Variants in HK1 observed in about 807,000 individuals in gnomAD.
HK1 encodes the protein hexokinase-1.
A neutral mutation model predicts 91.6 loss-of-function variants in HK1; 28 were observed. That is an observed-to-expected ratio of 0.31 (90% CI 0.23 to 0.42). The LOEUF is 0.42. Among genes scored for constraint, HK1 ranks in the 10% least tolerant of loss-of-function variants. The probability of loss-of-function intolerance (pLI) is 1.00; values close to 1 mark genes in which losing one functional copy is unlikely to be tolerated. For synonymous variants in HK1, 430 were observed against 468.1 expected (o/e 0.92, Z 1.05); for missense variants, 770 against 1,219.8 (o/e 0.63, Z 5.49).
At chr10:69,358,499 G>A (rs976905716) in intron 2 of HK1, among the ~76,000 whole-genome samples, 2 of 152,210 alleles carry the variant, frequency 1.3e-5, no homozygotes, top group African/African-American at 2.4e-5. Flanking sequence ...AACAACCCAA[G>A]GGTCCATCAA....
chr10:69,278,037 A>AAC (rs1194923701), intron 1 of HK1, among the ~76,000 whole-genome samples: 3 of 152,010 alleles, frequency 2.0e-5, no homozygotes, highest in Non-Finnish European at 4.4e-5. Flanking sequence ...CCGTCTCAAA[A>AAC]AAAAAAAAGG....
chr10:69,340,862 T>C (rs972363927), intron 1 of HK1, among the ~76,000 whole-genome samples: 1 of 152,166 alleles, frequency 6.6e-6, no homozygotes, highest in Non-Finnish European at 1.5e-5. Context: ...GTGGTTGAGC[T>C]CTGGACAGTC....
chr10:69,308,158 G>A (rs1435901481), intron 5 of HK1, among the ~76,000 whole-genome samples: 1 of 152,046 alleles, frequency 6.6e-6, no homozygotes, highest in Non-Finnish European at 1.5e-5. Context: ...TTTTCTTTTA[G>A]GAAAGCGGTT....
intron 16 of HK1, among the ~76,000 whole-genome samples, chr10:69,397,844 G>GA (rs1354189010): frequency 6.6e-6 from 1 of 151,414 alleles, no homozygotes; most frequent in Non-Finnish European, 1.5e-5. Context: ...AAAACAAATG[G>GA]AAAAAAAAGA....
rs779370366 is a variant in HK1, at chr10:69,369,419, C to T, written c.692-22C>T. On this transcript the variant is annotated intron_variant, in intron 6 of 17. Coordinates refer to ENST00000359426, the MANE Select transcript of HK1 (RefSeq NM_000188.3). The surrounding 1 kb of genome is among the most constrained non-coding windows in gnomAD (Gnocchi z 4.4). ...CACCCTCCCCGTTGTGTGGTCATAG[C>T]TTCTGATCTTGTCCTGCCCAGGCAC... The T allele has an allele frequency of 6.2e-7, 1 of 1,614,234 alleles. No homozygotes were observed. Among genetic ancestry groups the T allele is most frequent in the Non-Finnish European group, 8.5e-7 (1 of 1,180,040 alleles).
intron 3 of HK1, among the ~76,000 whole-genome samples, chr10:69,360,738 G>C (rs1390055888): frequency 6.6e-6 from 1 of 152,144 alleles, no homozygotes; most frequent in African/African-American, 2.4e-5. Flanking sequence ...TGCGGGGAGT[G>C]GTGGGTCTGT....
rs1433867007 is a variant in HK1 at position 69,369,537 on chromosome 10, C to G, written c.788C>G (p.Ala263Gly). Residue 263 changes from alanine (A) to glycine (G), a missense_variant, in exon 7 of 18, where the codon GCC becomes GGC. Ala to Gly is a moderately conservative substitution (Grantham distance 60). Transcript: ENST00000359426. The surrounding 1 kb of genome is among the most constrained non-coding windows in gnomAD (Gnocchi z 4.4). The part of the protein sequence containing the change: ...GRMCINTEWG[A>G]FGDDGSLEDI... ...ATGTGTATCAATACAGAATGGGGAGCCTTTGGAGACGATGGATCATTAGAA... is the reference window on the plus strand; with the variant it reads ...ATGTGTATCAATACAGAATGGGGAGGCTTTGGAGACGATGGATCATTAGAA... The G allele has an allele frequency of 1.2e-6, 2 of 1,614,118 alleles. No individual in the cohort carries two copies. Among genetic ancestry groups the G allele is most frequent in the Admixed American group, 1.7e-5 (1 of 60,016 alleles).
At chr10:69,383,592 T>A (rs1839496050) in intron 10 of HK1, among the ~76,000 whole-genome samples, 1 of 152,250 alleles carries the variant, frequency 6.6e-6, no homozygotes, top group Non-Finnish European at 1.5e-5. Flanking sequence ...TGGACAGTTC[T>A]GCTCATCAGG....
At position 69,401,174 on chromosome 10, in the gene HK1, C is replaced by A; in HGVS notation, c.*39C>A. 6.2e-7 allele frequency: 1 copy of A among 1,601,204 alleles called. No homozygotes were observed. The highest frequency in any genetic ancestry group is 8.5e-7 in the Non-Finnish European group (1 of 1,175,326). The stretch of plus-strand genomic sequence containing the variant: ...CCAGCCTACTGCCTCTCCAGCACTT[C>A]TCTCTTCAAGCGGCGACCCCCTACC... On this transcript the variant is annotated 3_prime_UTR_variant, in exon 18 of 18. Transcript: ENST00000359426.
rs145036813 is a variant in HK1, at chr10:69,309,069, GAA to G, written c.27+8209_27+8210del. Among the ~76,000 whole-genome samples the G allele has an allele frequency of 2.9e-3, 448 of 152,298 alleles. 1 individual carries two copies. The highest frequency in any genetic ancestry group is 0.021 in the Middle Eastern group (6 of 292). The stretch of plus-strand genomic sequence containing the variant: ...CATGACTGCTAATTCCAGCACTTTG[GAA>G]GGCCAAGTCAGGAGGATTGCTTGAG... On this transcript the variant is annotated intron_variant, in intron 5 of 21. Transcript: ENST00000360289.
At chr10:69,330,225 G>A (rs1847637348) in intron 1 of HK1, among the ~76,000 whole-genome samples, 1 of 152,214 alleles carries the variant, frequency 6.6e-6, no homozygotes, top group Non-Finnish European at 1.5e-5. Flanking sequence ...CTGGGTGGGT[G>A]TGGTGAGTGA....
chr10:69,274,653 C>A (rs1160681574), intron 1 of HK1, among the ~76,000 whole-genome samples: 3 of 151,666 alleles, frequency 2.0e-5, no homozygotes. Context: ...ATTACAGGCC[C>A]TTTTTTCAAG....
At chr10:69,400,872 C>G in intron 17 of HK1, 119 bp from the exon 18 acceptor site, 1 of 1,081,024 alleles carries the variant, frequency 9.3e-7, no homozygotes, top group Non-Finnish European at 1.4e-6. Context: ...ATCACAAAGT[C>G]GAAGAATCCT....
At chr10:69,376,729 A>G (rs1210934110) in intron 7 of HK1, among the ~76,000 whole-genome samples, 1 of 150,328 alleles carries the variant, frequency 6.7e-6, no homozygotes, top group Non-Finnish European at 1.5e-5. Context: ...GGTCTGGATG[A>G]CTCCTGCCCT....
At chr10:69,341,337 T>C (rs990651816) in intron 1 of HK1, among the ~76,000 whole-genome samples, 3 of 151,672 alleles carry the variant, frequency 2.0e-5, no homozygotes, top group African/African-American at 7.3e-5. Context: ...AATTTTTGTA[T>C]TTTTTTAGAG....
chr10:69,364,694 C>G (rs1849604371), intron 3 of HK1, 89 bp from the exon 4 acceptor site: 2 of 1,499,022 alleles, frequency 1.3e-6, no homozygotes, highest in Non-Finnish European at 1.9e-6. Context: ...GTATTCCTTT[C>G]TGTGTGTGTG....
intron 16 of HK1, among the ~76,000 whole-genome samples, chr10:69,395,903 A>T (rs1169529044): frequency 6.6e-6 from 1 of 152,162 alleles, no homozygotes; most frequent in Non-Finnish European, 1.5e-5. Context: ...AGAAGGAGGA[A>T]AAAAGGGTCA....
chr10:69,283,748 C>T (rs1363171793), intron 2 of HK1, among the ~76,000 whole-genome samples: 3 of 133,830 alleles, frequency 2.2e-5, no homozygotes, highest in East Asian at 2.3e-4. Context: ...GAGCCAAGTT[C>T]GCACCACCGC....
Position 69,380,115 on chromosome 10 carries a change from T to C in HK1, c.1265+20T>C, listed in dbSNP as rs771779866. ...CCCACAGTGAGTCTGCCCTTTGCTA[T>C]CATTGGCACTCTGTACCCATTGTGG... On this transcript the variant is annotated intron_variant, in intron 9 of 17. Transcript: ENST00000359426. This position sits in a 1 kb window ranked among gnomAD's most constrained non-coding sequence, Gnocchi z 4.0. 1 of 1,576,074 alleles carries C rather than the reference T, an allele frequency of 6.3e-7. No individual in the cohort carries two copies. Among genetic ancestry groups the C allele is most frequent in the Non-Finnish European group, 8.7e-7 (1 of 1,145,374 alleles).
Sources: allele counts gnomAD v4.1 joint callset (sites outside exome capture counted in the v4.1 genomes callset), GRCh38; gene constraint gnomAD v4.1.1; non-coding constraint Gnocchi (gnomAD v3.1); transcripts MANE v1.5; gene names NCBI Gene and HGNC (gene_info 2026-07-23, HGNC 2026-07-21).